Variants in PDE8B observed in about 807,000 individuals in gnomAD.
PDE8B encodes the protein phosphodiesterase 8B.
PDE8B carries 26 observed loss-of-function variants against 101.3 expected under a neutral mutation model. That is an observed-to-expected ratio of 0.26 (90% CI 0.19 to 0.36). The LOEUF (loss-of-function observed/expected upper bound fraction) is 0.36. Ranked by LOEUF, PDE8B falls within the 10% of genes least tolerant of loss-of-function variation. PDE8B has a pLI of 1.00. For missense variants in PDE8B, 810 were observed against 1,163.1 expected (o/e 0.70, Z 4.42); for synonymous variants, 424 against 429.3 (o/e 0.99, Z 0.15).
intron 10 of PDE8B, among the ~76,000 whole-genome samples, chr5:77,354,506 A>G (rs1016209952): frequency 1.3e-5 from 2 of 152,210 alleles, no homozygotes; most frequent in Non-Finnish European, 2.9e-5. Flanking sequence ...ACATTTTGCT[A>G]CATACCAGGA....
intron 6 of PDE8B, among the ~76,000 whole-genome samples, chr5:77,338,620 G>A (rs1778613638): frequency 1.3e-5 from 2 of 152,172 alleles, no homozygotes; most frequent in Non-Finnish European, 2.9e-5. Context: ...AGAAACCCAT[G>A]TTGCCTGTAC....
At chr5:77,206,514 A>G (rs963593369), upstream of PDE8B, among the ~76,000 whole-genome samples, 5 of 152,198 alleles carry the variant, frequency 3.3e-5, no homozygotes, top group African/African-American at 1.2e-4. Flanking sequence ...TTAGCCTTGC[A>G]AGTACTGATG....
the PDE8B span, chr5:77,180,520 C>T: frequency 3.1e-6 from 3 of 982,982 alleles, no homozygotes; most frequent in South Asian, 4.7e-5. Flanking sequence ...GCGCAGCCCT[C>T]GGCCGCCCCC....
chr5:77,093,177 G>T, the PDE8B span, among the ~76,000 whole-genome samples: 16 of 152,140 alleles, frequency 1.1e-4, no homozygotes, highest in Non-Finnish European at 1.8e-4. Flanking sequence ...TTCTTTAAAT[G>T]TTTGGTAGAT....
the PDE8B span, among the ~76,000 whole-genome samples, chr5:77,110,685 G>T: frequency 6.6e-6 from 1 of 152,194 alleles, no homozygotes; most frequent in Non-Finnish European, 1.5e-5. Flanking sequence ...GGTCCCAGTT[G>T]TCAACCACAG....
At chr5:77,146,840 A>G in the PDE8B span, 6 of 353,190 alleles carry the variant, frequency 1.7e-5, no homozygotes, top group Admixed American at 9.9e-5. Context: ...AAGTAGTTCA[A>G]GGATCCCAAT....
the PDE8B span, among the ~76,000 whole-genome samples, chr5:77,133,992 A>G: frequency 4.6e-5 from 7 of 152,174 alleles, no homozygotes; most frequent in African/African-American, 1.4e-4. Flanking sequence ...TTTCCTTGCC[A>G]CAGAGCTTCA....
At chr5:77,419,920 C>T (rs763568965) in intron 19 of PDE8B, 33 bp downstream of exon 19, 7 of 1,612,178 alleles carry the variant, frequency 4.3e-6, no homozygotes, top group Non-Finnish European at 5.1e-6. Context: ...TAAGGCACAT[C>T]CAAGTACATT....
chr5:77,339,098 T>C (rs991272951), intron 6 of PDE8B, among the ~76,000 whole-genome samples: 9 of 152,212 alleles, frequency 5.9e-5, no homozygotes, highest in African/African-American at 1.7e-4. Flanking sequence ...CAGGTTATTG[T>C]ACTGCTGAAA....
the PDE8B span, chr5:77,146,634 G>C: frequency 3.5e-6 from 1 of 283,526 alleles, no homozygotes; most frequent in African/African-American, 2.3e-5. Context: ...TGGCAAACTT[G>C]TCAGGAGGCG....
chr5:77,182,949 TA>T, the PDE8B span, among the ~76,000 whole-genome samples: 1 of 151,846 alleles, frequency 6.6e-6, no homozygotes, highest in Non-Finnish European at 1.5e-5. Flanking sequence ...TATAAGAGAT[TA>T]AAAAGCCACA....
At chr5:77,135,473 ATTTTT>A in the PDE8B span, among the ~76,000 whole-genome samples, 1 of 121,532 alleles carries the variant, frequency 8.2e-6, no homozygotes, top group South Asian at 2.7e-4. Context: ...AGCCAGAGGA[ATTTTT>A]TTTTTTTTTT....
intron 1 of PDE8B, among the ~76,000 whole-genome samples, chr5:77,282,985 A>G (rs1286742968): frequency 6.6e-6 from 1 of 151,984 alleles, no homozygotes; most frequent in Non-Finnish European, 1.5e-5. Flanking sequence ...GACCTGTCCA[A>G]CCTGGGCCTG....
chr5:77,205,768 A>T (rs917839586), upstream of PDE8B, among the ~76,000 whole-genome samples: 4 of 152,162 alleles, frequency 2.6e-5, no homozygotes, highest in Non-Finnish European at 5.9e-5. Context: ...ATGTTCATAC[A>T]TTGTCTATAT....
chr5:77,381,985 C>T (rs962353320), intron 10 of PDE8B, among the ~76,000 whole-genome samples: 1 of 152,130 alleles, frequency 6.6e-6, no homozygotes, highest in Non-Finnish European at 1.5e-5. Context: ...AACCTCACTC[C>T]TCTGTTTCAG....
the PDE8B span, among the ~76,000 whole-genome samples, chr5:77,137,773 T>C: frequency 6.6e-6 from 1 of 151,818 alleles, no homozygotes; most frequent in African/African-American, 2.4e-5. Flanking sequence ...TAAAATAGGG[T>C]GTGGTTTATG....
intron 1 of PDE8B, chr5:77,290,407 A>G: frequency 1.4e-6 from 2 of 1,399,524 alleles, no homozygotes; most frequent in Non-Finnish European, 2.0e-6. Context: ...GCTAACAACT[A>G]GCCAATAGCA....
intron 1 of PDE8B, among the ~76,000 whole-genome samples, chr5:77,242,046 G>A (rs1245948540): frequency 6.6e-6 from 1 of 152,110 alleles, no homozygotes; most frequent in African/African-American, 2.4e-5. Context: ...TTCTAATTTG[G>A]GGTAAGATGA....
chr5:77,164,601 C>A, the PDE8B span, among the ~76,000 whole-genome samples: 1 of 152,314 alleles, frequency 6.6e-6, no homozygotes, highest in Non-Finnish European at 1.5e-5. Context: ...AGAAGGTAGG[C>A]ACACTAGCTT....
Sources: gnomAD v4.1 joint callset for allele counts (sites outside exome capture counted in the v4.1 genomes callset) on GRCh38, gnomAD v4.1.1 for gene constraint, MANE v1.5 for transcripts, NCBI Gene and HGNC (gene_info 2026-07-23, HGNC 2026-07-21) for gene names.